The following ADORA1 variants were observed in gnomAD, a reference collection of about 807,000 sequenced individuals.
ADORA1 encodes the protein adenosine A1 receptor.
In ADORA1, 6 loss-of-function variants were observed where a neutral mutation model predicts 19.9. The ratio of observed to expected loss-of-function variants is 0.30; its 90% CI spans 0.17 to 0.59. The LOEUF (loss-of-function observed/expected upper bound fraction) is 0.59, where lower values mean the gene tolerates loss of function less well. ADORA1 is among the 20% of genes least tolerant of loss of function. The pLI, the probability that ADORA1 is intolerant of heterozygous loss-of-function variation, is 0.87. For synonymous variants in ADORA1, 194 were observed against 188.4 expected, an observed-to-expected ratio of 1.03 and a Z score of -0.24; for missense variants, 302 against 439.2, an observed-to-expected ratio of 0.69 and a Z score of 2.79.
chr1:203,138,544 G>A (rs556101167), intron 3 of ADORA1, among the ~76,000 whole-genome samples: 6 of 152,198 alleles, frequency 3.9e-5, no homozygotes, highest in Non-Finnish European at 7.3e-5. Flanking sequence ...AGTGTAGACA[G>A]TCTACCAAGG....
intron 3 of ADORA1, among the ~76,000 whole-genome samples, chr1:203,141,572 A>ATTTTTTTTTTTT (rs56188119): frequency 1.4e-5 from 1 of 73,524 alleles, no homozygotes; most frequent in Non-Finnish European, 2.3e-5. Context: ...TCTAACCTGG[A>ATTTTTTTTTTTT]TTTTTTTTTT....
chr1:203,163,179 C>T (rs3766555), intron 3 of ADORA1, among the ~76,000 whole-genome samples: 31,448 of 152,124 alleles, frequency 0.21, 3,891 homozygotes, highest in Non-Finnish European at 0.29. Context: ...CTGGAGTTTT[C>T]CAGGTGGCCA....
chr1:203,151,669 T>G (rs1414692094), intron 3 of ADORA1, among the ~76,000 whole-genome samples: 4 of 152,134 alleles, frequency 2.6e-5, no homozygotes, highest in Non-Finnish European at 4.4e-5. Context: ...CTCCTCCCAT[T>G]GTGCCCAGGA....
intron 3 of ADORA1, among the ~76,000 whole-genome samples, chr1:203,150,267 A>G (rs532147933): frequency 8.5e-5 from 13 of 152,280 alleles, no homozygotes; most frequent in Admixed American, 7.8e-4. Context: ...TCCTCCACAA[A>G]GCCATCCCTG....
At position 203,128,260 on chromosome 1, in the gene ADORA1, C is replaced by T. The variant is rs1654213651; in HGVS notation, c.-212-18C>T. On this transcript the variant is annotated intron_variant, in intron 1 of 3. Coordinates refer to ENST00000337894, the MANE Select transcript of ADORA1 (RefSeq NM_000674.3). The surrounding 1 kb of genome is among the most constrained non-coding windows in gnomAD (Gnocchi z 5.9). Reference sequence around the variant, plus strand: ...GTCCGGGGCTGAGTCTCTGCCGTACCATGTGATTGCTTGAAAGGCCGGGCT... The same window carrying T: ...GTCCGGGGCTGAGTCTCTGCCGTACTATGTGATTGCTTGAAAGGCCGGGCT... 2 of 1,201,378 alleles carry T rather than the reference C, an allele frequency of 1.7e-6. No individual in the cohort carries two copies. Among genetic ancestry groups the T allele is most frequent in the Non-Finnish European group, 1.1e-6 (1 of 916,938 alleles). The allele number at this position is 1,201,378 out of a possible 1,614,324, so 74.4% of individuals were successfully genotyped here.
chr1:203,132,065 A>G (rs1035973359), intron 3 of ADORA1, among the ~76,000 whole-genome samples: 1 of 152,232 alleles, frequency 6.6e-6, no homozygotes, highest in Non-Finnish European at 1.5e-5. Context: ...ACCAAGAGAG[A>G]AAAGAGATTC....
chr1:203,154,781 C>A (rs545709622), intron 3 of ADORA1, among the ~76,000 whole-genome samples: 2 of 152,286 alleles, frequency 1.3e-5, no homozygotes, highest in African/African-American at 2.4e-5. Context: ...AGGGCAGGGC[C>A]AGGAGAGAAA....
intron 3 of ADORA1, among the ~76,000 whole-genome samples, chr1:203,139,108 C>T (rs150776140): frequency 2.8e-3 from 430 of 152,300 alleles, no homozygotes; most frequent in Middle Eastern, 6.8e-3. Context: ...CGTGAGCCAC[C>T]GTGCCTGGCC....
chr1:203,160,537 G>A (rs1295280016), intron 3 of ADORA1, among the ~76,000 whole-genome samples: 1 of 152,228 alleles, frequency 6.6e-6, no homozygotes, highest in Non-Finnish European at 1.5e-5. Context: ...CTAGGGCTGG[G>A]CGCAGTGGTG....
At position 203,166,950 on chromosome 1, in the gene ADORA1, A is replaced by T. The variant is rs1655577954; in HGVS notation, c.*1050A>T. ...TGGGGTGGGTTTAGCAGGCTGCAGC[A>T]GGCAGAGGAGAGTACCCCCCTGAGA... On this transcript the variant is annotated 3_prime_UTR_variant, in exon 4 of 4. Coordinates refer to ENST00000337894, the MANE Select transcript of ADORA1 (RefSeq NM_000674.3). 1 of 152,582 alleles carries T rather than the reference A, an allele frequency of 6.6e-6. No individual in the cohort carries two copies. The highest frequency in any genetic ancestry group is 1.5e-5 in the Non-Finnish European group (1 of 68,350). 9.5% of individuals were successfully genotyped at this position (152,582 alleles called of 1,614,324 possible).
intron 3 of ADORA1, among the ~76,000 whole-genome samples, chr1:203,137,341 T>G (rs1654543424): frequency 6.6e-6 from 1 of 151,966 alleles, no homozygotes; most frequent in South Asian, 2.1e-4. Flanking sequence ...GAGAGAGTGG[T>G]CAGAGATAAT....
chr1:203,165,438 G>A lies in ADORA1; in HGVS notation c.519G>A (p.Lys173=), dbSNP rs199521259. The change falls in exon 4 of 4, where the codon AAG becomes AAA. Residue 173 remains lysine (K), a synonymous_variant. Coordinates refer to ENST00000337894, the MANE Select transcript of ADORA1 (RefSeq NM_000674.3). The surrounding 1 kb of genome is among the most constrained non-coding windows in gnomAD (Gnocchi z 5.9). ...CCGTGATCAAGTGCGAGTTCGAGAA[G>A]GTCATCAGCATGGAGTACATGGTCT... ...GEPVIKCEFE[K]VISMEYMVYF... 97 of 1,613,710 alleles carry A rather than the reference G, an allele frequency of 6.0e-5. No individual in the cohort carries two copies. Among genetic ancestry groups the A allele is most frequent in the Non-Finnish European group, 7.5e-5 (88 of 1,179,860 alleles).
chr1:203,156,173 G>A lies in ADORA1; in HGVS notation c.342-9088G>A, dbSNP rs186565682. ...CTACTGGGGCTTACATTCTACTGGA[G>A]CACTGGAGAGAAACTAATAATAAAT... is the stretch of plus-strand genomic sequence containing the variant. On this transcript the variant is annotated intron_variant, in intron 3 of 3. Coordinates refer to ENST00000337894, the MANE Select transcript of ADORA1 (RefSeq NM_000674.3). 2.6e-5 allele frequency among the ~76,000 whole-genome samples: 4 copies of A among 152,280 alleles called. No individual in the cohort carries two copies. In the East Asian group the frequency reaches 7.7e-4, roughly 29 times the overall value.
chr1:203,160,011 C>G (rs1483123883), intron 3 of ADORA1, among the ~76,000 whole-genome samples: 1 of 152,224 alleles, frequency 6.6e-6, no homozygotes, highest in South Asian at 2.1e-4. Context: ...CCTTCTGGGC[C>G]CTAGCCATGG....
In ADORA1 at chr1:203,128,725, C is replaced by T. The variant is rs940576915; in HGVS notation, c.-57-60C>T. The T allele has an allele frequency of 6.7e-7, 1 of 1,493,746 alleles. No homozygotes were observed. Among genetic ancestry groups the T allele is most frequent in the South Asian group, 1.3e-5 (1 of 74,332 alleles). 92.5% of individuals were successfully genotyped at this position (1,493,746 alleles called of 1,614,324 possible). ...CAGGGTACCTGGAGTTCCAGGGCAG[C>T]CTGAGCTCCCTGCCCCTCCCAGACG... On this transcript the variant is annotated intron_variant, in intron 2 of 3. Coordinates refer to ENST00000337894, the MANE Select transcript of ADORA1 (RefSeq NM_000674.3). This position sits in a 1 kb window ranked among gnomAD's most constrained non-coding sequence, Gnocchi z 5.9.
At chr1:203,145,180 T>C (rs1351123160) in intron 3 of ADORA1, 1 of 152,288 alleles carries the variant, frequency 6.6e-6, no homozygotes, top group East Asian at 1.9e-4. Flanking sequence ...TGATGTCAAA[T>C]CCCTTTCTTT....
intron 3 of ADORA1, among the ~76,000 whole-genome samples, chr1:203,148,505 A>T (rs1027318291): frequency 1.3e-5 from 2 of 152,184 alleles, no homozygotes; most frequent in Non-Finnish European, 2.9e-5. Flanking sequence ...TCTGATCCCA[A>T]TCCAGGTCCT....
At chr1:203,134,067 C>T (rs1323416178) in intron 3 of ADORA1, among the ~76,000 whole-genome samples, 1 of 89,540 alleles carries the variant, frequency 1.1e-5, no homozygotes, top group Admixed American at 1.2e-4. Context: ...AGTCATAGGC[C>T]TGGAGTGTCT....
At chr1:203,137,019 G>A (rs894517789) in intron 3 of ADORA1, among the ~76,000 whole-genome samples, 29 of 152,280 alleles carry the variant, frequency 1.9e-4, no homozygotes, top group African/African-American at 7.0e-4. Flanking sequence ...CCTAAATCAT[G>A]TAGAGTGTTG....
Sources: allele counts gnomAD v4.1 joint callset (sites outside exome capture counted in the v4.1 genomes callset), GRCh38; gene constraint gnomAD v4.1.1; non-coding constraint Gnocchi (gnomAD v3.1); transcripts MANE v1.5; gene names NCBI Gene and HGNC (gene_info 2026-07-23, HGNC 2026-07-21).